Variants in UBE2O observed in about 807,000 individuals in gnomAD.
UBE2O encodes the protein ubiquitin conjugating enzyme E2 O.
In UBE2O, 15 loss-of-function variants were observed where a neutral mutation model predicts 125.8. The ratio of observed to expected loss-of-function variants is 0.12; its 90% CI spans 0.08 to 0.18. The LOEUF (loss-of-function observed/expected upper bound fraction) is 0.18, where lower values mean the gene tolerates loss of function less well. UBE2O is among the 10% of genes least tolerant of loss of function. UBE2O has a pLI of 1.00. For synonymous variants in UBE2O, 708 were observed against 703.2 expected (o/e 1.01, Z -0.11); for missense variants, 1,280 against 1,723.6 (o/e 0.74, Z 4.56).
In UBE2O at chr17:76,429,003, G is replaced by T. The variant is rs144558559; in HGVS notation, c.418-23431C>A. On this transcript the variant is annotated intron_variant, in intron 1 of 17. Coordinates refer to ENST00000319380, the MANE Select transcript of UBE2O (RefSeq NM_022066.4). ...TGCAACCTCTGCCTCCTGGGTTCAA[G>T]CAATTCTCCTGCCTCAGCCTCCCGA... is the stretch of plus-strand genomic sequence containing the variant. 6.5e-3 allele frequency among the ~76,000 whole-genome samples: 977 copies of T among 151,376 alleles called. 7 individuals carry two copies. Among genetic ancestry groups the T allele is most frequent in the African/African-American group, 0.022 (902 of 41,236 alleles).
Position 76,402,476 on chromosome 17 carries a change from C to G in UBE2O, c.686+126G>C. On this transcript the variant is annotated intron_variant, in intron 4 of 17. Transcript: ENST00000319380. The surrounding 1 kb of genome is among the most constrained non-coding windows in gnomAD (Gnocchi z 5.4). ...TACAGGGTTAGGCCCTGGATGCCTG[C>G]AACATCTGTCACTGCCCTTGATCAA... The G allele has an allele frequency of 1.2e-6, 1 of 837,396 alleles. No homozygotes were observed. Among genetic ancestry groups the G allele is most frequent in the Non-Finnish European group, 2.0e-6 (1 of 494,290 alleles). The allele number at this position is 837,396 out of a possible 1,614,324, so 51.9% of individuals were successfully genotyped here. A position where few individuals can be genotyped will look rare whatever the true frequency, so the allele number is the denominator to read the frequency against.
intron 1 of UBE2O, among the ~76,000 whole-genome samples, chr17:76,419,973 A>T (rs1168342673): frequency 6.6e-6 from 1 of 152,104 alleles, no homozygotes; most frequent in Non-Finnish European, 1.5e-5. Context: ...CCCCTCCTTC[A>T]TCACCTCCCT....
chr17:76,434,138 G>A (rs1396546512), intron 1 of UBE2O, among the ~76,000 whole-genome samples: 1 of 152,090 alleles, frequency 6.6e-6, no homozygotes, highest in Non-Finnish European at 1.5e-5. Context: ...AACCACGTAA[G>A]CCTCTCTGGG....
At chr17:76,420,603 T>C (rs532692750) in intron 1 of UBE2O, among the ~76,000 whole-genome samples, 14 of 152,294 alleles carry the variant, frequency 9.2e-5, no homozygotes, top group African/African-American at 3.1e-4. Context: ...TCTCCACTCC[T>C]TACAACTCTG....
At chr17:76,397,685 G>T in intron 13 of UBE2O, 114 bp downstream of exon 13, 1 of 1,048,108 alleles carries the variant, frequency 9.5e-7, no homozygotes, top group South Asian at 1.3e-5. Context: ...TCACGCTTTC[G>T]CTGAGATCTC....
intron 15 of UBE2O, among the ~76,000 whole-genome samples, chr17:76,394,811 T>C (rs931870241): frequency 2.6e-5 from 4 of 152,158 alleles, no homozygotes; most frequent in Non-Finnish European, 4.4e-5. Flanking sequence ...AAAGGATCTG[T>C]AATGTTCTAA....
chr17:76,399,335 A>G lies in UBE2O; in HGVS notation c.1628+114T>C, dbSNP rs1207661462. On this transcript the variant is annotated intron_variant, in intron 9 of 17. Coordinates refer to ENST00000319380, the MANE Select transcript of UBE2O (RefSeq NM_022066.4). The surrounding 1 kb of genome is among the most constrained non-coding windows in gnomAD (Gnocchi z 6.9). ...TGTCTCGGGTGGGAGCCCCGGAGCC[A>G]CTACAAGGCATGCAGAGGTGTGTGT... 4.5e-6 allele frequency: 5 copies of G among 1,112,914 alleles called. No homozygotes were observed. The highest frequency in any genetic ancestry group is 5.2e-6 in the Non-Finnish European group (4 of 769,422). 68.9% of individuals were successfully genotyped at this position (1,112,914 alleles called of 1,614,324 possible).
At chr17:76,429,411 G>A (rs1200559366) in intron 1 of UBE2O, among the ~76,000 whole-genome samples, 4 of 151,450 alleles carry the variant, frequency 2.6e-5, no homozygotes, top group Admixed American at 6.6e-5. Context: ...GAGTGGTGGC[G>A]CATGGCTGTA....
intron 1 of UBE2O, among the ~76,000 whole-genome samples, chr17:76,421,419 G>A (rs1295623082): frequency 6.6e-6 from 1 of 152,074 alleles, no homozygotes; most frequent in Non-Finnish European, 1.5e-5. Context: ...CCAGGCTGGA[G>A]TGCAATGGCG....
At position 76,390,691 on chromosome 17, in the gene UBE2O, G is replaced by A. The variant is rs867872770; in HGVS notation, c.*252C>T. 1 of 409,302 alleles carries A rather than the reference G, an allele frequency of 2.4e-6. No individual in the cohort carries two copies. The highest frequency in any genetic ancestry group is 4.4e-6 in the Non-Finnish European group (1 of 227,894). The allele number at this position is 409,302 out of a possible 1,614,324, so 25.4% of individuals were successfully genotyped here. On this transcript the variant is annotated 3_prime_UTR_variant, in exon 18 of 18. Transcript: ENST00000319380. ...CGGACATTCTGCTGGGGTGACAAAT[G>A]GAAAATCGGCAACAGGGTTCCGATT...
rs1175633214 is a variant in UBE2O, at chr17:76,396,180, G to T, written c.2757C>A (p.Val919=). The part of the protein sequence containing the change: ...LCQQCGGKPG[V]TFTSAKGEVF... ...CCTCGCCCTTGGCGCTGGTGAAGGTGACGCCAGGCTTGCCGCCACACTGCT... is the reference window on the plus strand; with the variant it reads ...CCTCGCCCTTGGCGCTGGTGAAGGTTACGCCAGGCTTGCCGCCACACTGCT... Residue 919 remains valine (V), a synonymous_variant, in exon 14 of 18, where the codon GTC becomes GTA. Transcript: ENST00000319380. This position sits in a 1 kb window ranked among gnomAD's most constrained non-coding sequence, Gnocchi z 6.7. 3 of 1,613,702 alleles carry T rather than the reference G, an allele frequency of 1.9e-6. No individual in the cohort carries two copies. The highest frequency in any genetic ancestry group is 2.5e-6 in the Non-Finnish European group (3 of 1,179,844).
intron 1 of UBE2O, among the ~76,000 whole-genome samples, chr17:76,419,043 G>T (rs1797141223): frequency 6.6e-6 from 1 of 152,050 alleles, no homozygotes; most frequent in Admixed American, 6.5e-5. Context: ...AGTACTTTGA[G>T]AGGCTGAGCT....
chr17:76,431,468 A>G (rs2072906087), intron 1 of UBE2O, among the ~76,000 whole-genome samples: 1 of 152,234 alleles, frequency 6.6e-6, no homozygotes, highest in Non-Finnish European at 1.5e-5. Context: ...GTGAGCCGAG[A>G]TCGCACTCCA....
chr17:76,412,832 A>AC (rs2072538515), intron 1 of UBE2O, among the ~76,000 whole-genome samples: 1 of 152,102 alleles, frequency 6.6e-6, no homozygotes, highest in African/African-American at 2.4e-5. Flanking sequence ...ACACGGTGAA[A>AC]CCCCGTCTCT....
At chr17:76,442,185 T>G (rs555133463) in intron 1 of UBE2O, among the ~76,000 whole-genome samples, 6 of 152,336 alleles carry the variant, frequency 3.9e-5, no homozygotes, top group East Asian at 3.9e-4. Flanking sequence ...GCACGTAGTC[T>G]GCCTGGGGAG....
chr17:76,402,000 G>A (rs942417627), intron 5 of UBE2O, 64 bp downstream of exon 5: 55 of 1,529,048 alleles, frequency 3.6e-5, no homozygotes, highest in Non-Finnish European at 4.7e-5. Context: ...TCTTTGCTAC[G>A]AAGTCCTCCT....
At chr17:76,427,370 TTC>T (rs1284126133) in intron 1 of UBE2O, among the ~76,000 whole-genome samples, 3 of 152,262 alleles carry the variant, frequency 2.0e-5, no homozygotes, top group East Asian at 3.8e-4. Context: ...TTAAGATGTA[TTC>T]TGTCTTATTC....
chr17:76,429,770 G>A (rs1448510035), intron 1 of UBE2O, among the ~76,000 whole-genome samples: 1 of 152,098 alleles, frequency 6.6e-6, no homozygotes, highest in East Asian at 1.9e-4. Flanking sequence ...CCTGGCCTCA[G>A]CACTCCAGGA....
In UBE2O at chr17:76,398,041, G is replaced by T; in HGVS notation, c.2026-153C>A. The stretch of plus-strand genomic sequence containing the variant: ...AATGTAACCAGCGGCAGCTCAAGAA[G>T]CCTGACCCCAGAAGGGAGGCAGGGA... On this transcript the variant is annotated intron_variant, in intron 12 of 17. Coordinates refer to ENST00000319380, the MANE Select transcript of UBE2O (RefSeq NM_022066.4). This position sits in a 1 kb window ranked among gnomAD's most constrained non-coding sequence, Gnocchi z 5.4. 9.7e-7 allele frequency: 1 copy of T among 1,031,650 alleles called. No homozygotes were observed. The highest frequency in any genetic ancestry group is 1.4e-6 in the Non-Finnish European group (1 of 703,644). The allele number at this position is 1,031,650 out of a possible 1,614,324, so 63.9% of individuals were successfully genotyped here.
Sources: gnomAD v4.1 joint callset for allele counts (sites outside exome capture counted in the v4.1 genomes callset) on GRCh38, gnomAD v4.1.1 for gene constraint, Gnocchi (gnomAD v3.1) non-coding constraint, MANE v1.5 for transcripts, NCBI Gene and HGNC (gene_info 2026-07-23, HGNC 2026-07-21) for gene names.